ROBO1: variants seen among roughly 807,000 people sequenced by gnomAD.
The protein encoded by ROBO1 is roundabout guidance receptor 1.
In ROBO1, 149 loss-of-function variants were observed where a neutral mutation model predicts 195.9. That is an observed-to-expected ratio of 0.76 (90% CI 0.67 to 0.87). The LOEUF is 0.87. ROBO1 is among the 40% of genes least tolerant of loss of function. The pLI is 0.00. For synonymous variants in ROBO1, 816 were observed against 733.2 expected (o/e 1.11, Z -1.82); for missense variants, 1,933 against 2,068.3 (o/e 0.93, Z 1.27).
At chr3:79,709,440 G>A (rs1702188869) in intron 1 of ROBO1, among the ~76,000 whole-genome samples, 1 of 152,058 alleles carries the variant, frequency 6.6e-6, no homozygotes, top group Non-Finnish European at 1.5e-5. Flanking sequence ...ATATGGGTGT[G>A]AGAGACAAAT....
chr3:78,969,524 T>G (rs2076717637), intron 3 of ROBO1, among the ~76,000 whole-genome samples: 1 of 152,154 alleles, frequency 6.6e-6, no homozygotes, highest in Non-Finnish European at 1.5e-5. Flanking sequence ...TATTTGAAAA[T>G]GACTATAATC....
chr3:79,547,665 T>C (rs998574484), intron 2 of ROBO1, among the ~76,000 whole-genome samples: 1 of 152,192 alleles, frequency 6.6e-6, no homozygotes, highest in Non-Finnish European at 1.5e-5. Flanking sequence ...GAGAGGATGG[T>C]ACTTATTCAG....
intron 2 of ROBO1, among the ~76,000 whole-genome samples, chr3:79,389,706 G>A (rs1012340969): frequency 6.6e-6 from 1 of 152,104 alleles, no homozygotes; most frequent in Non-Finnish European, 1.5e-5. Flanking sequence ...GCACTGGATA[G>A]AGGAAAGAGC....
At chr3:78,944,609 T>A (rs1352701244) in intron 3 of ROBO1, among the ~76,000 whole-genome samples, 1 of 152,228 alleles carries the variant, frequency 6.6e-6, no homozygotes, top group Admixed American at 6.5e-5. Context: ...CAGTGATTTC[T>A]GCATTTCCAA....
intron 1 of ROBO1, among the ~76,000 whole-genome samples, chr3:79,610,084 A>G (rs1026432657): frequency 6.6e-6 from 1 of 151,928 alleles, no homozygotes; most frequent in Admixed American, 6.6e-5. Context: ...TGAATAGTTT[A>G]TTGAAACATT....
chr3:79,273,141 T>G (rs1231331281), intron 2 of ROBO1, among the ~76,000 whole-genome samples: 1 of 152,028 alleles, frequency 6.6e-6, no homozygotes. Context: ...AAAAGGACAT[T>G]AATGAGCACT....
At chr3:79,612,793 T>A (rs1467522310) in intron 1 of ROBO1, among the ~76,000 whole-genome samples, 1 of 2,832 alleles carries the variant, frequency 3.5e-4, no homozygotes, top group African/African-American at 1.8e-3. Flanking sequence ...ATGATGAGCA[T>A]TTTTTCATGT....
chr3:79,395,035 T>C (rs1368104677), intron 2 of ROBO1, among the ~76,000 whole-genome samples: 1 of 151,914 alleles, frequency 6.6e-6, no homozygotes, highest in Admixed American at 6.6e-5. Context: ...GTTAAAACAG[T>C]GAGACCGGCC....
rs1170415771 is a variant in ROBO1, at chr3:79,337,188, C to T, written c.89-211649G>A. On this transcript the variant is annotated intron_variant, in intron 2 of 30. Transcript: ENST00000464233. ...CTTTTGAGTTAATGCTGAAATAAGA[C>T]TTTGGGGGACTGTTGGAATTACGTG... is the stretch of plus-strand genomic sequence containing the variant. Among the ~76,000 whole-genome samples the T allele has an allele frequency of 2.6e-5, 4 of 152,066 alleles. No homozygotes were observed. In the East Asian group the frequency reaches 7.7e-4, roughly 29 times the overall value.
At chr3:79,381,861 T>C (rs1048840728) in intron 2 of ROBO1, among the ~76,000 whole-genome samples, 13 of 152,292 alleles carry the variant, frequency 8.5e-5, no homozygotes, top group African/African-American at 2.6e-4. Context: ...ATTTTGTACG[T>C]CTTTTCAAAT....
At chr3:78,891,821 A>C (rs112596715) in intron 4 of ROBO1, among the ~76,000 whole-genome samples, 19 of 152,376 alleles carry the variant, frequency 1.2e-4, no homozygotes, top group African/African-American at 4.6e-4. Flanking sequence ...GTGTTAAGTC[A>C]AAGAAGCCAC....
chr3:79,272,181 A>G (rs921971599), intron 2 of ROBO1, among the ~76,000 whole-genome samples: 7 of 152,150 alleles, frequency 4.6e-5, no homozygotes, highest in Non-Finnish European at 1.0e-4. Context: ...TATTGAAAGC[A>G]TGGAGAAAGA....
chr3:78,901,494 A>G (rs2037585338), intron 4 of ROBO1, among the ~76,000 whole-genome samples: 1 of 152,224 alleles, frequency 6.6e-6, no homozygotes, highest in African/African-American at 2.4e-5. Flanking sequence ...ATTAAAACTT[A>G]TCACTAATTA....
chr3:78,980,675 C>T (rs2076972149), intron 3 of ROBO1, among the ~76,000 whole-genome samples: 1 of 152,086 alleles, frequency 6.6e-6, no homozygotes, highest in African/African-American at 2.4e-5. Context: ...CAGTTAAAAA[C>T]ACCACCACCA....
chr3:79,429,092 A>C (rs2038568317), intron 2 of ROBO1, among the ~76,000 whole-genome samples: 2 of 152,178 alleles, frequency 1.3e-5, no homozygotes, highest in African/African-American at 2.4e-5. Context: ...TATAAAGAGT[A>C]ACTTTTACTG....
chr3:79,369,019 A>T (rs2036084052), intron 2 of ROBO1, among the ~76,000 whole-genome samples: 1 of 152,226 alleles, frequency 6.6e-6, no homozygotes. Flanking sequence ...ATTGTGCATA[A>T]CCAGTACCTT....
intron 2 of ROBO1, among the ~76,000 whole-genome samples, chr3:79,348,427 G>A (rs759490856): frequency 6.6e-5 from 10 of 151,934 alleles, no homozygotes; most frequent in Non-Finnish European, 1.2e-4. Context: ...TTTATCTTAC[G>A]GCTACACGCA....
chr3:79,538,281 T>A (rs548672454), intron 2 of ROBO1, among the ~76,000 whole-genome samples: 1 of 152,284 alleles, frequency 6.6e-6, no homozygotes, highest in African/African-American at 2.4e-5. Context: ...CAATGACCAA[T>A]ATTGTATAGT....
At chr3:79,303,110 T>G (rs1339482462) in intron 2 of ROBO1, among the ~76,000 whole-genome samples, 2 of 151,960 alleles carry the variant, frequency 1.3e-5, no homozygotes, top group Non-Finnish European at 2.9e-5. Context: ...TGTATCTACA[T>G]TGCGGACTGA....
Sources: allele counts gnomAD v4.1 joint callset (sites outside exome capture counted in the v4.1 genomes callset), GRCh38; gene constraint gnomAD v4.1.1; transcripts MANE v1.5; gene names NCBI Gene and HGNC (gene_info 2026-07-23, HGNC 2026-07-21).